ERBB4: variants seen among roughly 807,000 people sequenced by gnomAD.
The protein encoded by ERBB4 is erb-b2 receptor tyrosine kinase 4, also known as receptor tyrosine-protein kinase erbB-4.
In ERBB4, 42 loss-of-function variants were observed where a neutral mutation model predicts 158.0. The observed-to-expected ratio is 0.27, with a 90% CI of 0.21 to 0.34. The LOEUF is 0.34. ERBB4 is among the 10% of genes least tolerant of loss of function. The pLI is 1.00. For synonymous variants in ERBB4, 583 were observed against 558.7 expected (o/e 1.04, Z -0.61); for missense variants, 1,333 against 1,624.1 (o/e 0.82, Z 3.08).
chr2:212,469,925 T>C (rs192815814), intron 1 of ERBB4, among the ~76,000 whole-genome samples: 64 of 152,292 alleles, frequency 4.2e-4, no homozygotes, highest in African/African-American at 1.5e-3. Flanking sequence ...TCTTTAGCTC[T>C]TTAGCTCTAA....
chr2:211,774,536 C>T (rs531409393), intron 4 of ERBB4, among the ~76,000 whole-genome samples: 6 of 152,296 alleles, frequency 3.9e-5, no homozygotes, highest in African/African-American at 1.4e-4. Flanking sequence ...TAAAGCACAG[C>T]TGAACCCTCG....
chr2:211,412,108 A>C (rs2125380339), intron 25 of ERBB4, among the ~76,000 whole-genome samples: 1 of 152,074 alleles, frequency 6.6e-6, no homozygotes, highest in African/African-American at 2.4e-5. Flanking sequence ...GAGAAAAAAA[A>C]AAAGTTTTTA....
intron 1 of ERBB4, among the ~76,000 whole-genome samples, chr2:212,319,687 A>T (rs752452296): frequency 6.7e-6 from 1 of 150,340 alleles, no homozygotes; most frequent in Non-Finnish European, 1.5e-5. Context: ...TTTGATTGAG[A>T]AGACAGAAGC....
chr2:211,463,010 G>A (rs539671490), intron 20 of ERBB4, among the ~76,000 whole-genome samples: 3 of 152,226 alleles, frequency 2.0e-5, no homozygotes, highest in African/African-American at 7.2e-5. Flanking sequence ...ATATTCCACT[G>A]CTGTATTGTA....
At chr2:211,456,893 C>A (rs2064396366) in intron 20 of ERBB4, among the ~76,000 whole-genome samples, 1 of 152,192 alleles carries the variant, frequency 6.6e-6, no homozygotes, top group Non-Finnish European at 1.5e-5. Flanking sequence ...CCTTCACCTT[C>A]TGCTCTGCGG....
chr2:211,514,267 G>GT (rs1437260230), intron 20 of ERBB4, among the ~76,000 whole-genome samples: 1 of 152,056 alleles, frequency 6.6e-6, no homozygotes. Context: ...TTCTAAATAT[G>GT]AAACCTATCT....
rs79945248 is a variant in ERBB4, at chr2:211,574,484, C to A, written c.2302-12396G>T. The stretch of plus-strand genomic sequence containing the variant: ...ATAGAGATCAGGATACTAATGAATT[C>A]TTGTAGTTTTAGGCATAGGCAGTTT... On this transcript the variant is annotated intron_variant, in intron 19 of 27. Coordinates refer to ENST00000342788, the MANE Select transcript of ERBB4 (RefSeq NM_005235.3). 2.2e-4 allele frequency among the ~76,000 whole-genome samples: 33 copies of A among 152,282 alleles called. 1 individual carries two copies. In the East Asian group the frequency reaches 6.0e-3, roughly 28 times the overall value.
chr2:212,169,278 A>C (rs2081439322), intron 1 of ERBB4, among the ~76,000 whole-genome samples: 1 of 152,134 alleles, frequency 6.6e-6, no homozygotes, highest in Admixed American at 6.6e-5. Context: ...CCTACTTATC[A>C]ACAGAAAATT....
At chr2:212,260,901 G>A (rs2084920734) in intron 1 of ERBB4, among the ~76,000 whole-genome samples, 1 of 152,022 alleles carries the variant, frequency 6.6e-6, no homozygotes, top group South Asian at 2.1e-4. Context: ...AGGAAAATGG[G>A]AAATTATTAT....
chr2:211,822,912 T>C (rs1281560490), intron 3 of ERBB4, among the ~76,000 whole-genome samples: 1 of 151,966 alleles, frequency 6.6e-6, no homozygotes, highest in African/African-American at 2.4e-5. Flanking sequence ...AATGAGAATG[T>C]GCCATTTCTA....
intron 1 of ERBB4, among the ~76,000 whole-genome samples, chr2:212,359,932 C>T (rs2089620566): frequency 6.6e-6 from 1 of 151,526 alleles, no homozygotes. Context: ...AAGCTTTCCA[C>T]TGAAGTCAAA....
At chr2:211,575,939 C>A (rs911698710) in intron 19 of ERBB4, among the ~76,000 whole-genome samples, 7 of 151,978 alleles carry the variant, frequency 4.6e-5, no homozygotes, top group African/African-American at 1.7e-4. Flanking sequence ...GAACTTATTA[C>A]CATCATATAT....
At chr2:211,804,471 G>A (rs2076568867) in intron 3 of ERBB4, among the ~76,000 whole-genome samples, 1 of 152,098 alleles carries the variant, frequency 6.6e-6, no homozygotes, top group Admixed American at 6.6e-5. Context: ...GTGACTTTCA[G>A]CTCCCCTACC....
Position 211,833,184 on chromosome 2 carries a change from G to T in ERBB4, c.422-45025C>A, listed in dbSNP as rs10197032. Among the ~76,000 whole-genome samples the T allele has an allele frequency of 2.6e-3, 399 of 152,242 alleles. 3 individuals are homozygous for T. Among genetic ancestry groups the T allele is most frequent in the African/African-American group, 9.2e-3 (384 of 41,550 alleles). On this transcript the variant is annotated intron_variant, in intron 3 of 27. Transcript: ENST00000342788. ...TCTATCAGGATGACCTTGGGTGCAA[G>T]TGCAGTGAAGTATCATATGGTTTTT... is the stretch of plus-strand genomic sequence containing the variant.
chr2:212,439,789 C>T (rs2092215780), intron 1 of ERBB4, among the ~76,000 whole-genome samples: 1 of 152,004 alleles, frequency 6.6e-6, no homozygotes, highest in Non-Finnish European at 1.5e-5. Flanking sequence ...CATTCCAACA[C>T]CTGAGGAAAG....
chr2:211,861,605 T>C (rs1177852347), intron 3 of ERBB4, among the ~76,000 whole-genome samples: 1 of 152,140 alleles, frequency 6.6e-6, no homozygotes, highest in Non-Finnish European at 1.5e-5. Flanking sequence ...TGAATTGTTT[T>C]TATAATTTTC....
chr2:212,149,922 C>G (rs532098706), intron 1 of ERBB4, among the ~76,000 whole-genome samples: 1 of 152,126 alleles, frequency 6.6e-6, no homozygotes, highest in South Asian at 2.1e-4. Flanking sequence ...CCCTTGAGGA[C>G]AGGGACCATG....
chr2:211,511,195 CT>C (rs145430669), intron 20 of ERBB4, among the ~76,000 whole-genome samples: 5,104 of 151,950 alleles, frequency 0.034, 136 homozygotes, highest in Non-Finnish European at 0.049. Context: ...TAAAAATTCT[CT>C]TAAGTTTTTA....
At chr2:211,743,395 T>C (rs2074856751) in intron 5 of ERBB4, among the ~76,000 whole-genome samples, 1 of 152,050 alleles carries the variant, frequency 6.6e-6, no homozygotes, top group African/African-American at 2.4e-5. Context: ...ACAAAAGGAA[T>C]GCGTAAAATG....
Sources: gnomAD v4.1 joint callset for allele counts (sites outside exome capture counted in the v4.1 genomes callset) on GRCh38, gnomAD v4.1.1 for gene constraint, MANE v1.5 for transcripts, NCBI Gene and HGNC (gene_info 2026-07-23, HGNC 2026-07-21) for gene names.